WDR70: variants seen among roughly 807,000 people sequenced by gnomAD.
The protein encoded by WDR70 is WD repeat domain 70, also known as WD repeat-containing protein 70.
In WDR70, 53 loss-of-function variants were observed where a neutral mutation model predicts 88.6. The ratio of observed to expected loss-of-function variants is 0.60; its 90% CI spans 0.48 to 0.75. The LOEUF is 0.75. WDR70 is among the 30% of genes least tolerant of loss of function. The pLI is 0.00. For synonymous variants in WDR70, 280 were observed against 270.0 expected, an observed-to-expected ratio of 1.04 and a Z score of -0.36; for missense variants, 610 against 823.2, an observed-to-expected ratio of 0.74 and a Z score of 3.17.
Position 37,724,977 on chromosome 5 carries a change from A to G in WDR70, c.1641A>G (p.Thr547=). 1 of 1,613,716 alleles carries G rather than the reference A, an allele frequency of 6.2e-7. No homozygotes were observed. ...TCCGTGAGCCCCGCCAACGGAGTAC[A>G]AGGAAACAGCTGGAGAAGGACAGAC... The part of the protein sequence containing the change: ...PMFREPRQRS[T]RKQLEKDRLD... Residue 547 remains threonine (T), a synonymous_variant, in exon 16 of 18, where the codon ACA becomes ACG. Coordinates refer to ENST00000265107, the MANE Select transcript of WDR70 (RefSeq NM_018034.4).
chr5:37,410,938 T>C (rs1749503211), intron 5 of WDR70, among the ~76,000 whole-genome samples: 1 of 152,244 alleles, frequency 6.6e-6, no homozygotes, highest in Non-Finnish European at 1.5e-5. Context: ...TTGTAAGAGC[T>C]GCCTCAAGAT....
intron 7 of WDR70, among the ~76,000 whole-genome samples, chr5:37,444,478 A>G (rs1220990858): frequency 6.6e-6 from 1 of 151,248 alleles, no homozygotes; most frequent in African/African-American, 2.4e-5. Flanking sequence ...AGCTGGGACT[A>G]TATGGGTGTG....
At chr5:37,523,528 G>A (rs1297154275) in intron 9 of WDR70, among the ~76,000 whole-genome samples, 1 of 152,106 alleles carries the variant, frequency 6.6e-6, no homozygotes, top group Non-Finnish European at 1.5e-5. Flanking sequence ...CAAAGATGGG[G>A]AAAAAATAGA....
chr5:37,707,743 G>A (rs930712667), intron 13 of WDR70, among the ~76,000 whole-genome samples: 5 of 150,526 alleles, frequency 3.3e-5, no homozygotes, highest in Non-Finnish European at 7.4e-5. Context: ...GATGAACCTT[G>A]TCTCTACTAA....
At chr5:37,658,651 C>T (rs974501832) in intron 10 of WDR70, among the ~76,000 whole-genome samples, 1 of 152,116 alleles carries the variant, frequency 6.6e-6, no homozygotes, top group Non-Finnish European at 1.5e-5. Context: ...CTCCTGTACT[C>T]CATTGTGAGG....
chr5:37,714,802 A>T (rs568246908), intron 13 of WDR70, among the ~76,000 whole-genome samples: 1 of 152,304 alleles, frequency 6.6e-6, no homozygotes, highest in African/African-American at 2.4e-5. Flanking sequence ...GTCTTTACTT[A>T]TGCCTTCTTT....
chr5:37,595,383 A>G (rs1001969131), intron 9 of WDR70, among the ~76,000 whole-genome samples: 5 of 143,480 alleles, frequency 3.5e-5, no homozygotes, highest in East Asian at 1.9e-4. Context: ...AAATCTGGCC[A>G]TGTGTGTGTG....
At chr5:37,591,421 A>G (rs1554153757) in intron 9 of WDR70, among the ~76,000 whole-genome samples, 1 of 152,234 alleles carries the variant, frequency 6.6e-6, no homozygotes, top group Non-Finnish European at 1.5e-5. Flanking sequence ...TTTTATGACA[A>G]TTTTATACAA....
chr5:37,523,418 T>C (rs1741158947), intron 9 of WDR70, among the ~76,000 whole-genome samples: 2 of 152,084 alleles, frequency 1.3e-5, no homozygotes, highest in South Asian at 4.2e-4. Context: ...CAGCTGAGGG[T>C]CCTGACTGTT....
At chr5:37,497,326 C>G (rs925426160) in intron 8 of WDR70, among the ~76,000 whole-genome samples, 4 of 138,800 alleles carry the variant, frequency 2.9e-5, no homozygotes, top group African/African-American at 1.1e-4. Flanking sequence ...TCCTTCCCTT[C>G]CCTTCCTTTC....
chr5:37,393,594 A>AT (rs1470791733), intron 4 of WDR70, among the ~76,000 whole-genome samples: 3 of 151,880 alleles, frequency 2.0e-5, no homozygotes, highest in East Asian at 1.9e-4. Flanking sequence ...TTAAAAAAAA[A>AT]TTTTTTTTAT....
chr5:37,407,631 C>T (rs1198338362), intron 5 of WDR70, among the ~76,000 whole-genome samples: 2 of 151,912 alleles, frequency 1.3e-5, no homozygotes, highest in African/African-American at 4.8e-5. Context: ...CCTACTTTAG[C>T]TATTAAGTGA....
intron 8 of WDR70, among the ~76,000 whole-genome samples, chr5:37,485,270 C>G (rs1398152554): frequency 6.6e-6 from 1 of 152,158 alleles, no homozygotes; most frequent in African/African-American, 2.4e-5. Context: ...TTGTTTTCAG[C>G]TTTTGTATTT....
intron 5 of WDR70, among the ~76,000 whole-genome samples, chr5:37,423,728 T>A (rs1002165311): frequency 2.0e-5 from 3 of 150,632 alleles, no homozygotes; most frequent in Admixed American, 2.0e-4. Flanking sequence ...CACACCTGGC[T>A]AATTTTTGTG....
chr5:37,657,147 T>C (rs1375958649), intron 10 of WDR70, among the ~76,000 whole-genome samples: 1 of 152,184 alleles, frequency 6.6e-6, no homozygotes, highest in Non-Finnish European at 1.5e-5. Context: ...GGGAATCTTC[T>C]GGTCTGTGTG....
At chr5:37,391,924 T>C in intron 3 of WDR70, 76 bp from the exon 4 acceptor site, 2 of 1,472,768 alleles carry the variant, frequency 1.4e-6, no homozygotes, top group Non-Finnish European at 1.8e-6. Context: ...TGTTAATTTT[T>C]AGCCTTTCTA....
At chr5:37,699,779 C>T (rs1462406030) in intron 11 of WDR70, among the ~76,000 whole-genome samples, 2 of 151,722 alleles carry the variant, frequency 1.3e-5, no homozygotes, top group Non-Finnish European at 2.9e-5. Context: ...GAAACCCTGT[C>T]TCTACGAAAA....
chr5:37,396,600 C>A (rs769417349), intron 5 of WDR70, 30 bp downstream of exon 5: 1 of 1,564,066 alleles, frequency 6.4e-7, no homozygotes, highest in South Asian at 1.2e-5. Flanking sequence ...TTTAAGAATT[C>A]GGTGGAGTAA....
intron 10 of WDR70, among the ~76,000 whole-genome samples, chr5:37,671,250 G>A (rs1182842500): frequency 1.3e-5 from 2 of 152,172 alleles, no homozygotes; most frequent in Non-Finnish European, 2.9e-5. Flanking sequence ...GTAGCCTAGC[G>A]TTTGGCTCAT....
Sources: allele counts gnomAD v4.1 joint callset (sites outside exome capture counted in the v4.1 genomes callset), GRCh38; gene constraint gnomAD v4.1.1; transcripts MANE v1.5; gene names NCBI Gene and HGNC (gene_info 2026-07-23, HGNC 2026-07-21).